KCNK2: variants seen among roughly 807,000 people sequenced by gnomAD.
KCNK2 encodes potassium channel subfamily K member 2.
In KCNK2, 21 loss-of-function variants were observed where a neutral mutation model predicts 40.5. The observed-to-expected ratio is 0.52, with a 90% CI of 0.37 to 0.75. KCNK2 has a LOEUF of 0.75. Ranked by LOEUF, KCNK2 falls within the 30% of genes least tolerant of loss-of-function variation. KCNK2 has a pLI of 0.00. For synonymous variants in KCNK2, 191 were observed against 202.2 expected, an observed-to-expected ratio of 0.94 and a Z score of 0.47; for missense variants, 399 against 531.6, an observed-to-expected ratio of 0.75 and a Z score of 2.45.
intron 1 of KCNK2, among the ~76,000 whole-genome samples, chr1:215,035,190 C>G (rs1402983155): frequency 2.0e-5 from 3 of 152,078 alleles, no homozygotes; most frequent in African/African-American, 7.2e-5. Flanking sequence ...TTTTACCTTT[C>G]AGTGATGTAA....
intron 6 of KCNK2, among the ~76,000 whole-genome samples, chr1:215,207,466 G>T (rs1272832701): frequency 1.3e-5 from 2 of 152,126 alleles, no homozygotes; most frequent in African/African-American, 4.8e-5. Context: ...AAAAAGTTGG[G>T]GACTGCTGTT....
At chr1:215,136,645 A>G (rs1228732745) in intron 3 of KCNK2, among the ~76,000 whole-genome samples, 1 of 152,168 alleles carries the variant, frequency 6.6e-6, no homozygotes, top group East Asian at 1.9e-4. Context: ...ACTCGCTAAG[A>G]GACCTTTGCA....
chr1:215,051,652 G>A (rs1657994081), intron 1 of KCNK2, among the ~76,000 whole-genome samples: 1 of 152,082 alleles, frequency 6.6e-6, no homozygotes, highest in South Asian at 2.1e-4. Flanking sequence ...GATATCTGGG[G>A]CACAACATTC....
At position 215,150,805 on chromosome 1, in the gene KCNK2, C is replaced by T. The variant is rs571173429; in HGVS notation, c.476-18394C>T. ...TTTATTTACTAGGTATTTAATTCCACGCACAACTAATATATTTGTCTCCTT... is the reference window on the plus strand; with the variant it reads ...TTTATTTACTAGGTATTTAATTCCATGCACAACTAATATATTTGTCTCCTT... On this transcript the variant is annotated intron_variant, in intron 3 of 6. Coordinates refer to ENST00000444842, the MANE Select transcript of KCNK2 (RefSeq NM_001017425.3). 3.3e-4 allele frequency among the ~76,000 whole-genome samples: 50 copies of T among 151,790 alleles called. 1 individual carries two copies. Among genetic ancestry groups the T allele is most frequent in the East Asian group, 3.9e-4 (2 of 5,182 alleles).
chr1:215,157,354 G>A (rs1662978336), intron 3 of KCNK2, among the ~76,000 whole-genome samples: 3 of 152,128 alleles, frequency 2.0e-5, no homozygotes, highest in African/African-American at 7.2e-5. Context: ...CCAAACAGCT[G>A]CTAAGCCAGC....
intron 6 of KCNK2, among the ~76,000 whole-genome samples, chr1:215,197,023 G>A (rs2102668018): frequency 6.6e-6 from 1 of 152,128 alleles, no homozygotes; most frequent in African/African-American, 2.4e-5. Flanking sequence ...AATAAACTAT[G>A]TATTATATAC....
At chr1:215,194,216 T>C (rs1040194462) in intron 5 of KCNK2, among the ~76,000 whole-genome samples, 2 of 152,116 alleles carry the variant, frequency 1.3e-5, no homozygotes, top group Admixed American at 1.3e-4. Context: ...CAGATTCTTA[T>C]AGGTACAGTT....
chr1:215,102,535 G>T (rs1243785063), intron 2 of KCNK2, among the ~76,000 whole-genome samples: 2 of 151,960 alleles, frequency 1.3e-5, no homozygotes, highest in Non-Finnish European at 2.9e-5. Context: ...TTGAAGAAAG[G>T]AAAGTATTTT....
intron 1 of KCNK2, among the ~76,000 whole-genome samples, chr1:215,054,356 C>T (rs544724087): frequency 6.6e-6 from 1 of 152,264 alleles, no homozygotes; most frequent in African/African-American, 2.4e-5. Context: ...ACCCCCAGGC[C>T]AATTTGGAAA....
chr1:215,228,762 G>A (rs1666498641), intron 6 of KCNK2, among the ~76,000 whole-genome samples: 1 of 152,004 alleles, frequency 6.6e-6, no homozygotes, highest in African/African-American at 2.4e-5. Flanking sequence ...AACACCAAAA[G>A]CATTATTTCT....
chr1:215,023,581 A>G (rs1279646789), intron 1 of KCNK2, among the ~76,000 whole-genome samples: 6 of 152,220 alleles, frequency 3.9e-5, no homozygotes, highest in Admixed American at 3.9e-4. Context: ...GAGCCCGACC[A>G]TGTTATAAAC....
chr1:215,174,811 T>C (rs2102641307), intron 5 of KCNK2, among the ~76,000 whole-genome samples: 1 of 152,324 alleles, frequency 6.6e-6, no homozygotes, highest in Non-Finnish European at 1.5e-5. Context: ...TTTTGCACAT[T>C]GATTTTGTAT....
intron 1 of KCNK2, among the ~76,000 whole-genome samples, chr1:215,019,485 G>A (rs545236624): frequency 1.3e-4 from 20 of 152,310 alleles, no homozygotes; most frequent in Admixed American, 7.2e-4. Flanking sequence ...TCAGTTAATG[G>A]CTAGTGTCCA....
At chr1:215,134,100 G>C (rs1661793066) in intron 3 of KCNK2, among the ~76,000 whole-genome samples, 1 of 86,528 alleles carries the variant, frequency 1.2e-5, no homozygotes, top group South Asian at 2.8e-4. Context: ...ATGAAAGTAA[G>C]GGTGTAAAAG....
At chr1:215,095,957 G>A (rs1338509147) in intron 2 of KCNK2, among the ~76,000 whole-genome samples, 1 of 151,994 alleles carries the variant, frequency 6.6e-6, no homozygotes, top group Non-Finnish European at 1.5e-5. Flanking sequence ...TTCATGCCGG[G>A]GCATGACTAG....
At chr1:215,164,745 A>G (rs1312449798) in intron 3 of KCNK2, among the ~76,000 whole-genome samples, 1 of 152,122 alleles carries the variant, frequency 6.6e-6, no homozygotes, top group Non-Finnish European at 1.5e-5. Context: ...AGCATGTCTC[A>G]TTCTCTTACA....
chr1:215,088,691 A>G (rs1659564354), intron 2 of KCNK2, among the ~76,000 whole-genome samples: 1 of 152,204 alleles, frequency 6.6e-6, no homozygotes, highest in South Asian at 2.1e-4. Context: ...AACTCTAAAG[A>G]TAACTTGAAG....
At chr1:215,071,724 CAATGCATGT>C (rs1476666839) in intron 1 of KCNK2, among the ~76,000 whole-genome samples, 1 of 152,116 alleles carries the variant, frequency 6.6e-6, no homozygotes, top group Non-Finnish European at 1.5e-5. Flanking sequence ...AATTTCAGTG[CAATGCATGT>C]TTGGGCATAA....
At chr1:215,012,399 A>AAT (rs1169706096) in intron 1 of KCNK2, among the ~76,000 whole-genome samples, 1 of 151,966 alleles carries the variant, frequency 6.6e-6, no homozygotes, top group African/African-American at 2.4e-5. Context: ...TAACATGTTG[A>AAT]ATATCTTTTC....
Sources: gnomAD v4.1 joint callset for allele counts (sites outside exome capture counted in the v4.1 genomes callset) on GRCh38, gnomAD v4.1.1 for gene constraint, MANE v1.5 for transcripts, NCBI Gene and HGNC (gene_info 2026-07-23, HGNC 2026-07-21) for gene names.